PCDHA13: variants seen among roughly 807,000 people sequenced by gnomAD.
PCDHA13 encodes the protein protocadherin alpha 13, also known as protocadherin alpha-13.
PCDHA13 carries 54 observed loss-of-function variants against 64.8 expected under a neutral mutation model. The ratio of observed to expected loss-of-function variants is 0.83; its 90% confidence interval spans 0.67 to 1.04. PCDHA13 has a LOEUF of 1.04. Ranked by LOEUF, PCDHA13 falls within the 50% of genes least tolerant of loss-of-function variation. The pLI is 0.00. For synonymous variants in PCDHA13, 587 were observed against 564.4 expected, an observed-to-expected ratio of 1.04 and a Z score of -0.57; for missense variants, 1,248 against 1,254.3, an observed-to-expected ratio of 0.99 and a Z score of 0.08.
intron 1 of PCDHA13, among the ~76,000 whole-genome samples, chr5:140,974,152 G>A (rs183558718): frequency 4.2e-4 from 64 of 152,284 alleles, no homozygotes; most frequent in Admixed American, 2.4e-3. Flanking sequence ...CTATACAAGG[G>A]TTTTTCTTTC....
In PCDHA13 at chr5:140,936,771, C is replaced by A. The variant is rs182480245; in HGVS notation, c.2395-42178C>A. Among the ~76,000 whole-genome samples, 20 of 152,230 alleles carry A rather than the reference C, an allele frequency of 1.3e-4. No individual in the cohort carries two copies. In the East Asian group the frequency reaches 3.5e-3, roughly 26 times the overall value. On this transcript the variant is annotated intron_variant, in intron 1 of 3. Coordinates refer to ENST00000289272, the MANE Select transcript of PCDHA13 (RefSeq NM_018904.3). ...GTATTGATATCTAATTGTGTAAGTT[C>A]TCTCACTTTGTTATTCTGCTTCAAG...
intron 1 of PCDHA13, chr5:140,966,193 G>C (rs1554228123): frequency 4.8e-6 from 1 of 207,392 alleles, no homozygotes; most frequent in Non-Finnish European, 9.5e-6. Flanking sequence ...CAGACTTCTA[G>C]GGGCTTGACT....
chr5:141,010,201 C>A lies in PCDHA13; in HGVS notation c.*264C>A, dbSNP rs782495760. On this transcript the variant is annotated 3_prime_UTR_variant, in exon 4 of 4. Transcript: ENST00000289272. ...GCAGACCCAAGTTTCCTTTCTCCTC[C>A]GCCGCAAAGGAGAGGCTTCCCAGCC... 5.0e-5 allele frequency: 77 copies of A among 1,551,916 alleles called. No individual in the cohort carries two copies. The highest frequency in any genetic ancestry group is 6.1e-5 in the Non-Finnish European group (70 of 1,147,084).
At chr5:141,001,607 A>G (rs1554258244) in intron 3 of PCDHA13, among the ~76,000 whole-genome samples, 1 of 152,078 alleles carries the variant, frequency 6.6e-6, no homozygotes, top group African/African-American at 2.4e-5. Flanking sequence ...AGGTTTGCCC[A>G]ATTCATAAAG....
Position 140,883,871 on chromosome 5 carries a change from G to A in PCDHA13, c.1603G>A (p.Val535Met), listed in dbSNP as rs1554180366. ...HEELELLQFQ[V>M]SARDSGVPPL... ...GGAGCTGGAGCTGTTGCAGTTCCAG[G>A]TGAGCGCGCGCGACTCTGGCGTGCC... Residue 535 changes from valine to methionine, a missense_variant, in exon 1 of 4, where the codon GTG (valine) becomes ATG (methionine). Coordinates refer to ENST00000289272, the MANE Select transcript of PCDHA13 (RefSeq NM_018904.3). The A allele has an allele frequency of 1.2e-6, 2 of 1,613,242 alleles. No individual in the cohort carries two copies. The highest frequency in any genetic ancestry group is 2.7e-5 in the African/African-American group (2 of 75,022).
rs534304787 is a variant in PCDHA13, at chr5:140,885,393, TA to T, written c.2394+733del. Among the ~76,000 whole-genome samples the T allele has an allele frequency of 3.1e-3, 468 of 152,312 alleles. 3 individuals carry two copies. Among genetic ancestry groups the T allele is most frequent in the Middle Eastern group, 0.014 (4 of 294 alleles). The stretch of plus-strand genomic sequence containing the variant: ...TACCTTTTGGCAGTCCCTGCAAATC[TA>T]ATGGTTTTAATAGCTGTGTAGTATT... On this transcript the variant is annotated intron_variant, in intron 1 of 3. Transcript: ENST00000289272.
At chr5:140,984,980 C>T (rs1206801991) in intron 3 of PCDHA13, among the ~76,000 whole-genome samples, 1 of 152,092 alleles carries the variant, frequency 6.6e-6, no homozygotes, top group African/African-American at 2.4e-5. Context: ...CTCTGTCCCC[C>T]AGGCTGGAGT....
At chr5:141,005,861 C>T (rs921854027) in intron 3 of PCDHA13, among the ~76,000 whole-genome samples, 2 of 151,860 alleles carry the variant, frequency 1.3e-5, no homozygotes, top group Admixed American at 6.6e-5. Flanking sequence ...ACAGGAGGGT[C>T]GATTGAGTCC....
intron 1 of PCDHA13, among the ~76,000 whole-genome samples, chr5:140,921,435 A>G (rs997660613): frequency 6.6e-6 from 1 of 152,120 alleles, no homozygotes. Context: ...ATTTTCTTCA[A>G]TGGTGTCTGA....
intron 1 of PCDHA13, among the ~76,000 whole-genome samples, chr5:140,954,250 T>C (rs1018325931): frequency 6.6e-6 from 1 of 152,252 alleles, no homozygotes; most frequent in Non-Finnish European, 1.5e-5. Context: ...AACATACACA[T>C]GCAGGTATCT....
At chr5:140,925,537 A>G (rs1325632505) in intron 1 of PCDHA13, among the ~76,000 whole-genome samples, 4 of 152,070 alleles carry the variant, frequency 2.6e-5, no homozygotes, top group Non-Finnish European at 2.9e-5. Flanking sequence ...GAGGAGAAAT[A>G]CCTAATGTAA....
chr5:140,913,164 T>C (rs1211762965), intron 1 of PCDHA13, among the ~76,000 whole-genome samples: 1 of 152,208 alleles, frequency 6.6e-6, no homozygotes, highest in Non-Finnish European at 1.5e-5. Flanking sequence ...GGATTGGTAT[T>C]AGTTCTTCTT....
At chr5:140,916,613 A>T (rs2077649645) in intron 1 of PCDHA13, among the ~76,000 whole-genome samples, 1 of 151,990 alleles carries the variant, frequency 6.6e-6, no homozygotes, top group Non-Finnish European at 1.5e-5. Flanking sequence ...GGGCCTCATG[A>T]CTCTACTCAA....
At chr5:140,917,699 A>G (rs980073163) in intron 1 of PCDHA13, among the ~76,000 whole-genome samples, 1 of 152,058 alleles carries the variant, frequency 6.6e-6, no homozygotes, top group Non-Finnish European at 1.5e-5. Flanking sequence ...AGATCAGATA[A>G]TTGTAGGTGT....
At chr5:140,907,970 A>C (rs1312755290) in intron 1 of PCDHA13, among the ~76,000 whole-genome samples, 3 of 152,158 alleles carry the variant, frequency 2.0e-5, no homozygotes, top group Admixed American at 2.0e-4. Flanking sequence ...CAATTTTCCA[A>C]TCATGCTTCT....
intron 1 of PCDHA13, among the ~76,000 whole-genome samples, chr5:140,891,886 G>A (rs1554184992): frequency 1.3e-5 from 2 of 152,186 alleles, no homozygotes; most frequent in East Asian, 1.9e-4. Context: ...GTCATGTGAC[G>A]ATGCAGCAAG....
intron 1 of PCDHA13, among the ~76,000 whole-genome samples, chr5:140,888,287 C>G (rs1371852276): frequency 6.6e-6 from 1 of 152,072 alleles, no homozygotes; most frequent in African/African-American, 2.4e-5. Flanking sequence ...CCCCTCTACC[C>G]CCTACCCAGG....
rs1554175564 is a variant in PCDHA13, at chr5:140,882,775, C to T, written c.507C>T (p.Thr169=). 4 of 1,614,220 alleles carry T rather than the reference C, an allele frequency of 2.5e-6. No individual in the cohort carries two copies. Among genetic ancestry groups the T allele is most frequent in the East Asian group, 4.5e-5 (2 of 44,890 alleles). ...ATATTGGAGTAAACTCGGCATTGAC[C>T]TACCGACTGGATCCCAACGATTATT... ...DADIGVNSAL[T]YRLDPNDYFT... is the part of the protein sequence containing the mutation. Residue 169 remains threonine (T), a synonymous_variant, in exon 1 of 4, where the codon ACC becomes ACT. Coordinates refer to ENST00000289272, the MANE Select transcript of PCDHA13 (RefSeq NM_018904.3).
chr5:140,966,281 G>T, intron 1 of PCDHA13: 1 of 366,828 alleles, frequency 2.7e-6, no homozygotes, highest in Non-Finnish European at 4.8e-6. Context: ...TGGACAGTGG[G>T]GGTAGGGAGA....
Sources: gnomAD v4.1 joint callset for allele counts (sites outside exome capture counted in the v4.1 genomes callset) on GRCh38, gnomAD v4.1.1 for gene constraint, MANE v1.5 for transcripts, NCBI Gene and HGNC (gene_info 2026-07-23, HGNC 2026-07-21) for gene names.